ELMO1: variants seen among roughly 807,000 people sequenced by gnomAD.
The protein encoded by ELMO1 is engulfment and cell motility protein 1.
In ELMO1, 26 loss-of-function variants were observed where a neutral mutation model predicts 98.9. The observed-to-expected ratio is 0.26, with a 90% CI of 0.19 to 0.36. ELMO1 has a LOEUF of 0.36. ELMO1 is among the 10% of genes least tolerant of loss of function. The pLI is 1.00. For synonymous variants in ELMO1, 346 were observed against 346.0 expected, an observed-to-expected ratio of 1.00 and a Z score of 0.00; for missense variants, 627 against 935.2, an observed-to-expected ratio of 0.67 and a Z score of 4.30.
chr7:37,285,084 C>T (rs913207814), intron 4 of ELMO1, among the ~76,000 whole-genome samples: 1 of 152,234 alleles, frequency 6.6e-6, no homozygotes, highest in African/African-American at 2.4e-5. Context: ...TAGTGCTGCA[C>T]AGCCAGCTGG....
At chr7:37,204,116 CA>C (rs1378058785) in intron 13 of ELMO1, 1 of 456,356 alleles carries the variant, frequency 2.2e-6, no homozygotes, top group African/African-American at 2.0e-5. Context: ...CACCATTTGG[CA>C]ATAGGCATTA....
At chr7:37,033,471 T>C (rs945983669) in intron 15 of ELMO1, 7 of 449,660 alleles carry the variant, frequency 1.6e-5, no homozygotes, top group Admixed American at 1.2e-4. Flanking sequence ...AAAACCAATG[T>C]CTAGGCCATG....
intron 2 of ELMO1, among the ~76,000 whole-genome samples, chr7:37,320,488 T>C (rs1231633303): frequency 6.6e-6 from 1 of 152,216 alleles, no homozygotes; most frequent in Non-Finnish European, 1.5e-5. Context: ...TCCTTCTTTC[T>C]GTTCCAACTC....
chr7:36,919,911 A>G (rs1785010754), intron 16 of ELMO1, among the ~76,000 whole-genome samples: 1 of 152,184 alleles, frequency 6.6e-6, no homozygotes, highest in African/African-American at 2.4e-5. Flanking sequence ...TATGTGAACC[A>G]TTCAGAACTA....
chr7:37,098,337 A>G (rs1229280450), intron 14 of ELMO1, among the ~76,000 whole-genome samples: 2 of 152,264 alleles, frequency 1.3e-5, no homozygotes, highest in Non-Finnish European at 2.9e-5. Flanking sequence ...TTCTAATTGA[A>G]GGACACAAAA....
At chr7:37,129,755 G>A (rs1041928871) in intron 14 of ELMO1, among the ~76,000 whole-genome samples, 3 of 152,240 alleles carry the variant, frequency 2.0e-5, no homozygotes, top group African/African-American at 7.2e-5. Context: ...TGGTTTTCTA[G>A]CGGGACAGTG....
At chr7:37,348,906 G>A (rs571966375) in intron 1 of ELMO1, among the ~76,000 whole-genome samples, 1 of 152,084 alleles carries the variant, frequency 6.6e-6, no homozygotes, top group Non-Finnish European at 1.5e-5. Flanking sequence ...TTTAGTTTTG[G>A]GTGACTGCAA....
chr7:37,011,794 T>C (rs2129171742), intron 16 of ELMO1, among the ~76,000 whole-genome samples: 1 of 152,298 alleles, frequency 6.6e-6, no homozygotes, highest in East Asian at 1.9e-4. Flanking sequence ...TTTCAAAGAC[T>C]ACTGATTTAA....
chr7:37,169,174 GT>G (rs1317898888), intron 13 of ELMO1, among the ~76,000 whole-genome samples: 14 of 152,238 alleles, frequency 9.2e-5, no homozygotes, highest in African/African-American at 3.4e-4. Flanking sequence ...CTGGTGCGCC[GT>G]TTTTTAAGCC....
chr7:37,114,501 T>G (rs1410877376), intron 14 of ELMO1, among the ~76,000 whole-genome samples: 1 of 152,190 alleles, frequency 6.6e-6, no homozygotes, highest in Non-Finnish European at 1.5e-5. Context: ...CTTTAGTCAC[T>G]GGGTTGCCTT....
chr7:37,365,552 A>G (rs1289053022), intron 1 of ELMO1, among the ~76,000 whole-genome samples: 2 of 148,298 alleles, frequency 1.3e-5, no homozygotes, highest in African/African-American at 2.5e-5. Flanking sequence ...AACACCAACT[A>G]CTCATCTCAG....
chr7:36,999,801 ATCTC>A lies in ELMO1; in HGVS notation c.1437+13494_1437+13497del, dbSNP rs1179733709. Among the ~76,000 whole-genome samples the A allele has an allele frequency of 9.9e-5, 15 of 152,088 alleles. No individual in the cohort carries two copies. The East Asian group carries it at 2.9e-3, about 29-fold the overall frequency. On this transcript the variant is annotated intron_variant, in intron 16 of 21. Transcript: ENST00000310758. The stretch of plus-strand genomic sequence containing the variant: ...TGTGTGTGTGTGTTTGAATCTGCAA[ATCTC>A]TCTCTTGATTTCTCAGCCATGCAGG...
chr7:36,983,132 A>G (rs780713664), intron 16 of ELMO1, among the ~76,000 whole-genome samples: 4 of 152,224 alleles, frequency 2.6e-5, no homozygotes, highest in African/African-American at 4.8e-5. Flanking sequence ...AAGGGCAGCC[A>G]TGGGACACTG....
chr7:37,206,380 C>A (rs1328239443), intron 13 of ELMO1, among the ~76,000 whole-genome samples: 1 of 152,236 alleles, frequency 6.6e-6, no homozygotes, highest in African/African-American at 2.4e-5. Flanking sequence ...CAACCCAAAT[C>A]TACAGCCCAA....
intron 13 of ELMO1, among the ~76,000 whole-genome samples, chr7:37,156,278 A>AGC (rs1364673710): frequency 6.6e-6 from 1 of 152,094 alleles, no homozygotes; most frequent in Non-Finnish European, 1.5e-5. Context: ...GAGAAAAGTA[A>AGC]AAACTTCAAA....
At chr7:37,406,128 T>A (rs563990561) in intron 1 of ELMO1, among the ~76,000 whole-genome samples, 2 of 152,340 alleles carry the variant, frequency 1.3e-5, no homozygotes, top group Admixed American at 6.5e-5. Flanking sequence ...TTCATGGGAA[T>A]GCTTGAGTAC....
intron 14 of ELMO1, among the ~76,000 whole-genome samples, chr7:37,126,773 C>T (rs1235074423): frequency 9.9e-5 from 15 of 152,172 alleles, no homozygotes; most frequent in Non-Finnish European, 1.5e-5. Flanking sequence ...CATGGCTCCA[C>T]GCAGGCACGT....
At chr7:37,263,749 G>A (rs1245711354) in intron 5 of ELMO1, among the ~76,000 whole-genome samples, 1 of 152,190 alleles carries the variant, frequency 6.6e-6, no homozygotes, top group Non-Finnish European at 1.5e-5. Flanking sequence ...TGGAGGGAGA[G>A]AAAGGAGAGG....
chr7:37,114,331 G>A (rs1175161509), intron 14 of ELMO1, among the ~76,000 whole-genome samples: 3 of 152,222 alleles, frequency 2.0e-5, no homozygotes, highest in African/African-American at 7.2e-5. Flanking sequence ...TGTAATGGTG[G>A]TAGAAGTGGG....
Sources: allele counts gnomAD v4.1 joint callset (sites outside exome capture counted in the v4.1 genomes callset), GRCh38; gene constraint gnomAD v4.1.1; transcripts MANE v1.5; gene names NCBI Gene and HGNC (gene_info 2026-07-23, HGNC 2026-07-21).